The following ZHX2 variants were observed in gnomAD, a reference collection of about 807,000 sequenced individuals.
ZHX2 encodes zinc fingers and homeoboxes 2, also known as zinc fingers and homeoboxes protein 2.
ZHX2 carries 6 observed loss-of-function variants against 21.9 expected under a neutral mutation model. The ratio of observed to expected loss-of-function variants is 0.27; its 90% CI spans 0.15 to 0.54. ZHX2 has a LOEUF of 0.54. ZHX2 is among the 20% of genes least tolerant of loss of function. The pLI is 0.95. For missense variants in ZHX2, 908 were observed against 1,090.7 expected (o/e 0.83, Z 2.36); for synonymous variants, 434 against 437.1 (o/e 0.99, Z 0.09).
At chr8:122,911,062 G>A (rs577292784) in intron 2 of ZHX2, among the ~76,000 whole-genome samples, 1 of 152,310 alleles carries the variant, frequency 6.6e-6, no homozygotes, top group African/African-American at 2.4e-5. Context: ...CATAGTGAAA[G>A]CAAGTATGAC....
Position 122,951,419 on chromosome 8 carries a change from G to A in ZHX2, c.-92G>A, listed in dbSNP as rs1586416925. On this transcript the variant is annotated 5_prime_UTR_variant, in exon 3 of 4. Transcript: ENST00000314393. Reference sequence around the variant, plus strand: ...CCAAAGCCATTTGAGGGGGAATAAAGCCAAAAGCCTTTCACCTTATTCGTT... The same window carrying A: ...CCAAAGCCATTTGAGGGGGAATAAAACCAAAAGCCTTTCACCTTATTCGTT... The A allele has an allele frequency of 8.4e-7, 1 of 1,194,306 alleles. No individual in the cohort carries two copies. The highest frequency in any genetic ancestry group is 2.6e-5 in the East Asian group (1 of 39,046). The allele number at this position is 1,194,306 out of a possible 1,614,324, so 74.0% of individuals were successfully genotyped here.
intron 2 of ZHX2, among the ~76,000 whole-genome samples, chr8:122,891,269 ATTGTGTGTGTGTGTGTGT>A (rs1274986460): frequency 0.028 from 3,855 of 138,756 alleles, 73 homozygotes; most frequent in Non-Finnish European, 0.033. Flanking sequence ...ATCTTGGTAG[ATTGTGTGTGTGTGTGTGT>A]GTGTGTGTGT....
At chr8:122,788,992 G>T (rs917021357) in intron 1 of ZHX2, among the ~76,000 whole-genome samples, 1 of 152,232 alleles carries the variant, frequency 6.6e-6, no homozygotes, top group Non-Finnish European at 1.5e-5. Context: ...TTCTCCAGGG[G>T]CATTGCGCCC....
chr8:122,936,927 G>A (rs1236208276), intron 2 of ZHX2, among the ~76,000 whole-genome samples: 1 of 152,230 alleles, frequency 6.6e-6, no homozygotes, highest in African/African-American at 2.4e-5. Flanking sequence ...TGCTGTACTT[G>A]GATCAGGCTG....
intron 2 of ZHX2, among the ~76,000 whole-genome samples, chr8:122,936,248 C>T (rs903279428): frequency 5.9e-5 from 9 of 152,150 alleles, no homozygotes; most frequent in East Asian, 1.9e-4. Flanking sequence ...ACAGGGATGA[C>T]GTGATCAGAT....
chr8:122,964,494 G>A (rs1158077317), intron 3 of ZHX2, among the ~76,000 whole-genome samples: 2 of 151,940 alleles, frequency 1.3e-5, no homozygotes, highest in Admixed American at 6.5e-5. Context: ...TATAAAACCC[G>A]CTTGATCATG....
chr8:122,929,819 A>T (rs1230673271), intron 2 of ZHX2, among the ~76,000 whole-genome samples: 1 of 152,184 alleles, frequency 6.6e-6, no homozygotes, highest in Non-Finnish European at 1.5e-5. Context: ...TACCAGTATA[A>T]ATCCAACTCT....
chr8:122,873,460 C>T (rs914456544), intron 2 of ZHX2, among the ~76,000 whole-genome samples: 2 of 152,184 alleles, frequency 1.3e-5, no homozygotes, highest in African/African-American at 4.8e-5. Context: ...GGTGCCTGTC[C>T]GTACTTGGCC....
intron 2 of ZHX2, among the ~76,000 whole-genome samples, chr8:122,868,633 G>A (rs547019151): frequency 3.2e-4 from 49 of 151,418 alleles, no homozygotes; most frequent in Middle Eastern, 3.4e-3. Context: ...CCCGGGAGGC[G>A]GAGCTTACAG....
rs956814402 is a variant in ZHX2, at chr8:122,943,118, C to T, written c.-219-8174C>T. Among the ~76,000 whole-genome samples the T allele has an allele frequency of 2.6e-5, 4 of 152,074 alleles. No individual in the cohort carries two copies. In the East Asian group the frequency reaches 5.8e-4, roughly 22 times the overall value. The stretch of plus-strand genomic sequence containing the variant: ...CTTTACTAAAAGTACAAAAATTAGC[C>T]AGGCGTGGTGGCACATGCTTATAAT... On this transcript the variant is annotated intron_variant, in intron 2 of 3. Coordinates refer to ENST00000314393, the MANE Select transcript of ZHX2 (RefSeq NM_014943.5).
chr8:122,811,373 C>A lies in ZHX2; in HGVS notation c.-283+29427C>A, dbSNP rs545241395. Among the ~76,000 whole-genome samples the A allele has an allele frequency of 5.9e-5, 9 of 152,142 alleles. No homozygotes were observed. The East Asian group carries it at 1.7e-3, about 29-fold the overall frequency. ...TCCAGCCTGGGTGACAGAGCGAGAC[C>A]CTGTCTCAAAAAATAATAAAATAAA... On this transcript the variant is annotated intron_variant, in intron 1 of 3. Transcript: ENST00000314393.
rs541129052 is a variant in ZHX2 at position 122,799,558 on chromosome 8, A to G, written c.-283+17612A>G. Among the ~76,000 whole-genome samples the G allele has an allele frequency of 3.9e-5, 6 of 152,316 alleles. 2 individuals carry two copies. In the South Asian group the frequency reaches 1.2e-3, roughly 32 times the overall value. ...GAACTTCAACTTTCTTTTTTAGCTT[A>G]TGTTTTAAATCTGGAATTTTGTTCC... On this transcript the variant is annotated intron_variant, in intron 1 of 3. Transcript: ENST00000314393.
At chr8:122,842,484 T>TCG (rs1818657894) in intron 1 of ZHX2, among the ~76,000 whole-genome samples, 1 of 152,156 alleles carries the variant, frequency 6.6e-6, no homozygotes, top group African/African-American at 2.4e-5. Flanking sequence ...GGCGGGCAGA[T>TCG]CAGGAGGTCA....
chr8:122,953,365 G>C lies in ZHX2; in HGVS notation c.1855G>C (p.Gly619Arg), dbSNP rs147432495. The change falls in exon 3 of 4, where the codon GGT becomes CGT. Residue 619 changes from glycine (G) to arginine (R), a missense_variant. Gly to Arg is a moderately radical substitution (Grantham distance 125). Transcript: ENST00000314393. This position sits in a 1 kb window ranked among gnomAD's most constrained non-coding sequence, Gnocchi z 4.6. Reference sequence around the variant, plus strand: ...TCTGTCTCGACTCGACCAGCTCTCCGGTGCCCAGTTAACAAGTTCTCTGCC... The same window carrying C: ...TCTGTCTCGACTCGACCAGCTCTCCCGTGCCCAGTTAACAAGTTCTCTGCC... ...GALSRLDQLS[G>R]AQLTSSLPSP... 4.9e-5 allele frequency: 79 copies of C among 1,613,964 alleles called. No homozygotes were observed. In the African/African-American group the frequency reaches 8.5e-4, roughly 17 times the overall value.
intron 2 of ZHX2, among the ~76,000 whole-genome samples, chr8:122,935,053 A>G (rs1711508950): frequency 6.6e-6 from 1 of 152,160 alleles, no homozygotes; most frequent in Non-Finnish European, 1.5e-5. Context: ...GCCGTGTGCT[A>G]TATAGTTTTT....
chr8:122,796,755 C>T (rs1265942285), intron 1 of ZHX2, among the ~76,000 whole-genome samples: 1 of 152,144 alleles, frequency 6.6e-6, no homozygotes, highest in African/African-American at 2.4e-5. Flanking sequence ...GCTTAGGGAC[C>T]TTGCTTAAAT....
At chr8:122,858,618 TC>T (rs1819086848) in intron 1 of ZHX2, among the ~76,000 whole-genome samples, 1 of 147,130 alleles carries the variant, frequency 6.8e-6, no homozygotes, top group South Asian at 2.1e-4. Context: ...TCAGGTTAAC[TC>T]CTTTTTTTTT....
At chr8:122,859,891 T>G (rs1480156309) in intron 1 of ZHX2, among the ~76,000 whole-genome samples, 1 of 152,228 alleles carries the variant, frequency 6.6e-6, no homozygotes, top group African/African-American at 2.4e-5. Context: ...TGTTAGATAT[T>G]TAATATGCTC....
intron 1 of ZHX2, among the ~76,000 whole-genome samples, chr8:122,855,965 C>T (rs902480114): frequency 2.6e-5 from 4 of 152,250 alleles, no homozygotes; most frequent in African/African-American, 9.6e-5. Context: ...ATCTATTAAG[C>T]ACCTAGATGT....
Sources: allele counts gnomAD v4.1 joint callset (sites outside exome capture counted in the v4.1 genomes callset), GRCh38; gene constraint gnomAD v4.1.1; non-coding constraint Gnocchi (gnomAD v3.1); transcripts MANE v1.5; gene names NCBI Gene and HGNC (gene_info 2026-07-23, HGNC 2026-07-21).